Variants in PTK2 observed in about 807,000 individuals in gnomAD.
PTK2 encodes the protein protein tyrosine kinase 2, also known as focal adhesion kinase 1.
Under a neutral mutation model 150.1 loss-of-function variants are expected in PTK2, and 45 were observed. The ratio of observed to expected loss-of-function variants is 0.30; its 90% CI spans 0.24 to 0.38. The LOEUF is 0.38. Among genes scored for constraint, PTK2 ranks in the 10% least tolerant of loss-of-function variants. The probability of loss-of-function intolerance (pLI) is 1.00; values close to 1 mark genes in which losing one functional copy is unlikely to be tolerated. For synonymous variants in PTK2, 432 were observed against 449.2 expected (o/e 0.96, Z 0.48); for missense variants, 919 against 1,307.3 (o/e 0.70, Z 4.58).
chr8:140,674,438 T>C, intron 28 of PTK2, 34 bp from the exon 32 acceptor site: 2 of 1,540,116 alleles, frequency 1.3e-6, no homozygotes, highest in Middle Eastern at 2.0e-4. Flanking sequence ...TTAAGTCATG[T>C]GCGTTAAGAA....
At chr8:140,963,492 G>A (rs2100184135) in intron 1 of PTK2, among the ~76,000 whole-genome samples, 1 of 151,944 alleles carries the variant, frequency 6.6e-6, no homozygotes. Context: ...CAATTCTATG[G>A]CCATCCATTT....
intron 4 of PTK2, among the ~76,000 whole-genome samples, chr8:140,876,630 CA>C (rs1441466540): frequency 6.6e-6 from 1 of 152,106 alleles, no homozygotes; most frequent in African/African-American, 2.4e-5. Context: ...TCCTCTTCTC[CA>C]TTCTTTTTTA....
At position 140,746,231 on chromosome 8, in the gene PTK2, T is replaced by C. The variant is rs185203128; in HGVS notation, c.1518+529A>G. Among the ~76,000 whole-genome samples, 8 of 151,810 alleles carry C rather than the reference T, an allele frequency of 5.3e-5. No individual in the cohort carries two copies. The East Asian group carries it at 1.4e-3, about 26-fold the overall frequency. On this transcript the variant is annotated intron_variant, in intron 18 of 31. Coordinates refer to ENST00000522684, the Ensembl canonical transcript of PTK2. ...CCTGTAGTCCCAGCAACTCGGGAAG[T>C]TGAGGTGGGAGATCGCTTGAGCCCA...
chr8:140,826,580 A>C (rs1483870452), intron 8 of PTK2, among the ~76,000 whole-genome samples: 5 of 152,170 alleles, frequency 3.3e-5, no homozygotes, highest in African/African-American at 1.2e-4. Flanking sequence ...TATTTACATC[A>C]AAATCAGCAG....
At chr8:140,797,852 G>C (rs2100092641) in intron 12 of PTK2, among the ~76,000 whole-genome samples, 1 of 152,024 alleles carries the variant, frequency 6.6e-6, no homozygotes, top group Non-Finnish European at 1.5e-5. Flanking sequence ...TTTAGATACA[G>C]TCTTGCTATG....
intron 2 of PTK2, among the ~76,000 whole-genome samples, chr8:140,914,102 TG>T (rs1247723155): frequency 6.6e-6 from 1 of 152,170 alleles, no homozygotes; most frequent in Non-Finnish European, 1.5e-5. Context: ...AAAATACAAA[TG>T]TATTTTAGTT....
intron 8 of PTK2, among the ~76,000 whole-genome samples, chr8:140,827,175 C>T (rs912264322): frequency 1.3e-5 from 2 of 152,130 alleles, no homozygotes; most frequent in Non-Finnish European, 2.9e-5. Flanking sequence ...AGTCCCCAAT[C>T]CCCCTCAACT....
At chr8:140,725,957 G>A (rs907872305) in intron 22 of PTK2, among the ~76,000 whole-genome samples, 4 of 151,840 alleles carry the variant, frequency 2.6e-5, no homozygotes, top group Non-Finnish European at 4.4e-5. Flanking sequence ...TTTAAAAGAA[G>A]CTATTATATT....
At chr8:140,982,467 G>A (rs2100191785) in intron 1 of PTK2, among the ~76,000 whole-genome samples, 1 of 152,104 alleles carries the variant, frequency 6.6e-6, no homozygotes, top group South Asian at 2.1e-4. Context: ...CATGGTGGCG[G>A]GTGCCTGTAA....
At chr8:140,669,590 G>T in intron 29 of PTK2, 137 bp downstream of exon 33, 1 of 869,774 alleles carries the variant, frequency 1.1e-6, no homozygotes, top group Non-Finnish European at 1.8e-6. Flanking sequence ...TTTGGCATCT[G>T]TCAGTCATGA....
chr8:140,763,883 TTG>T (rs2100070782), intron 15 of PTK2, among the ~76,000 whole-genome samples: 1 of 152,156 alleles, frequency 6.6e-6, no homozygotes, highest in African/African-American at 2.4e-5. Flanking sequence ...GATATATATA[TTG>T]TGTGTGTATA....
At chr8:140,688,811 A>C (rs2100021449) in intron 26 of PTK2, among the ~76,000 whole-genome samples, 1 of 152,266 alleles carries the variant, frequency 6.6e-6, no homozygotes, top group East Asian at 1.9e-4. Context: ...TACTGTGTTT[A>C]TATGTACTAT....
intron 11 of PTK2, 73 bp downstream of exon 11, chr8:140,803,470 T>A: frequency 7.9e-7 from 1 of 1,267,620 alleles, no homozygotes; most frequent in South Asian, 1.2e-5. Flanking sequence ...ATCCTTTTCA[T>A]AAAAAAGTCA....
At chr8:140,805,385 C>T (rs57644553) in intron 10 of PTK2, among the ~76,000 whole-genome samples, 5,621 of 151,928 alleles carry the variant, frequency 0.037, 273 homozygotes, top group African/African-American at 0.11. Flanking sequence ...ATGGTGAAAC[C>T]CCGTCACTAC....
At chr8:140,993,254 C>T (rs1459032363) in intron 1 of PTK2, among the ~76,000 whole-genome samples, 1 of 152,206 alleles carries the variant, frequency 6.6e-6, no homozygotes, top group African/African-American at 2.4e-5. Context: ...CTCAGATGAT[C>T]CGCTGGCCTC....
At chr8:140,755,742 A>T (rs1320628239) in intron 16 of PTK2, among the ~76,000 whole-genome samples, 1 of 152,192 alleles carries the variant, frequency 6.6e-6, no homozygotes, top group Non-Finnish European at 1.5e-5. Flanking sequence ...TAGAAACAGT[A>T]GCTGTCACAG....
At chr8:140,662,226 G>A (rs1253994547) in intron 31 of PTK2, among the ~76,000 whole-genome samples, 1 of 152,008 alleles carries the variant, frequency 6.6e-6, no homozygotes, top group African/African-American at 2.4e-5. Flanking sequence ...GAGCTCAGGA[G>A]TTGGAGGTTA....
At chr8:140,930,198 C>G (rs928483528) in intron 1 of PTK2, among the ~76,000 whole-genome samples, 2 of 152,014 alleles carry the variant, frequency 1.3e-5, no homozygotes, top group Admixed American at 1.3e-4. Flanking sequence ...AAATAAACCT[C>G]GGAACACCAA....
At chr8:140,668,592 T>C in intron 29 of PTK2, 168 bp from the exon 34 acceptor site, 1 of 685,070 alleles carries the variant, frequency 1.5e-6, no homozygotes, top group Non-Finnish European at 2.3e-6. Flanking sequence ...AGTAAAGTAA[T>C]TCCTCCAAGT....
Sources: gnomAD v4.1 joint callset for allele counts (sites outside exome capture counted in the v4.1 genomes callset) on GRCh38, gnomAD v4.1.1 for gene constraint, MANE v1.5 for transcripts, NCBI Gene and HGNC (gene_info 2026-07-23, HGNC 2026-07-21) for gene names.